The following HLF variants were observed in gnomAD, a reference collection of about 807,000 sequenced individuals.
HLF encodes the protein HLF transcription factor, PAR bZIP family member.
Under a neutral mutation model 22.6 loss-of-function variants are expected in HLF, and 3 were observed. The observed-to-expected ratio is 0.13, with a 90% CI of 0.06 to 0.34. The LOEUF (loss-of-function observed/expected upper bound fraction) is 0.34, where lower values mean the gene tolerates loss of function less well. Among genes scored for constraint, HLF ranks in the 10% least tolerant of loss-of-function variants. The pLI is 1.00. For synonymous variants in HLF, 151 were observed against 151.8 expected (o/e 0.99, Z 0.04); for missense variants, 299 against 389.2 (o/e 0.77, Z 1.95).
At chr17:55,296,599 C>T (rs1355437410) in intron 2 of HLF, among the ~76,000 whole-genome samples, 7 of 152,078 alleles carry the variant, frequency 4.6e-5, no homozygotes, top group Non-Finnish European at 8.8e-5. Context: ...TATAGATCTG[C>T]CGGCTGCATA....
At position 55,268,209 on chromosome 17, in the gene HLF, T is replaced by C. The variant is rs1048639653; in HGVS notation, c.451+123T>C. Reference sequence around the variant, plus strand: ...AGCAAAGATCCTAAGAGAGGTACCTTCTTCTGCTCCACTCCTGGCAGAGGC... The same window carrying C: ...AGCAAAGATCCTAAGAGAGGTACCTCCTTCTGCTCCACTCCTGGCAGAGGC... On this transcript the variant is annotated intron_variant, in intron 2 of 3. Coordinates refer to ENST00000226067, the MANE Select transcript of HLF (RefSeq NM_002126.5). 3.5e-5 allele frequency: 23 copies of C among 654,548 alleles called. No individual in the cohort carries two copies. The African/African-American group carries it at 3.8e-4, about 11-fold the overall frequency. 40.5% of individuals were successfully genotyped at this position (654,548 alleles called of 1,614,324 possible). A position where few individuals can be genotyped will look rare whatever the true frequency, so the allele number is the denominator to read the frequency against.
intron 2 of HLF, among the ~76,000 whole-genome samples, chr17:55,275,349 G>A (rs2145305283): frequency 6.6e-6 from 1 of 152,300 alleles, no homozygotes; most frequent in South Asian, 2.1e-4. Context: ...ACCGACCTTG[G>A]CCTCCCAAAG....
chr17:55,310,691 C>G (rs1262676095), intron 2 of HLF, among the ~76,000 whole-genome samples: 1 of 152,158 alleles, frequency 6.6e-6, no homozygotes, highest in Non-Finnish European at 1.5e-5. Context: ...GATGCCACCT[C>G]TGTCTATAGA....
At chr17:55,270,885 G>T (rs369961725) in intron 2 of HLF, among the ~76,000 whole-genome samples, 1 of 151,836 alleles carries the variant, frequency 6.6e-6, no homozygotes, top group Non-Finnish European at 1.5e-5. Context: ...CTCGTGATCC[G>T]CCCGCCTCGG....
rs746525611 is a variant in HLF, at chr17:55,315,418, C to A, written c.643C>A (p.Arg215Ser). The change falls in exon 3 of 4, where the codon CGC (arginine) becomes AGC (serine). Residue 215 changes from arginine to serine, a missense_variant. By Grantham distance (110) the Arg-to-Ser change is moderately radical (BLOSUM62 -1). Around this residue, in one of 3 missense-constraint regions of HLF, gnomAD observed 224 missense variants for 298.1 expected, o/e 0.75. Coordinates refer to ENST00000226067, the MANE Select transcript of HLF (RefSeq NM_002126.5). ...LKPQPMIKKA[R>S]KVFIPDDLKD... ...GCCACAGCCCATGATCAAGAAAGCT[C>A]GCAAAGTCTTCATCCCTGATGACCT... 1.9e-6 allele frequency: 3 copies of A among 1,613,956 alleles called. No individual in the cohort carries two copies. Among genetic ancestry groups the A allele is most frequent in the Non-Finnish European group, 2.5e-6 (3 of 1,179,974 alleles).
At chr17:55,274,615 C>G (rs2080889039) in intron 2 of HLF, among the ~76,000 whole-genome samples, 1 of 152,224 alleles carries the variant, frequency 6.6e-6, no homozygotes, top group Non-Finnish European at 1.5e-5. Context: ...ATAAACAAAA[C>G]AGCCTGAGTG....
intron 3 of HLF, 61 bp downstream of exon 3, chr17:55,315,508 A>G (rs1423807080): frequency 1.5e-5 from 19 of 1,241,310 alleles, no homozygotes; most frequent in Non-Finnish European, 2.1e-5. Flanking sequence ...CAGACAGATT[A>G]AAAGGGTGAC....
Position 55,324,817 on chromosome 17 carries a change from G to C in HLF, c.*3938G>C. The C allele has an allele frequency of 5.0e-6, 1 of 200,754 alleles. No homozygotes were observed. The highest frequency in any genetic ancestry group is 1.0e-5 in the Non-Finnish European group (1 of 97,804). 12.4% of individuals were successfully genotyped at this position (200,754 alleles called of 1,614,324 possible). Reference sequence around the variant, plus strand: ...TGTGTGTGTGTGTGTGTGCGTGCATGTGTGTGTGTGTGTATGTGTGTGAAT... The same window carrying C: ...TGTGTGTGTGTGTGTGTGCGTGCATCTGTGTGTGTGTGTATGTGTGTGAAT... On this transcript the variant is annotated 3_prime_UTR_variant, in exon 4 of 4. Coordinates refer to ENST00000226067, the MANE Select transcript of HLF (RefSeq NM_002126.5).
chr17:55,324,780 T>C lies in HLF; in HGVS notation c.*3901T>C, dbSNP rs1204775397. On this transcript the variant is annotated 3_prime_UTR_variant, in exon 4 of 4. Coordinates refer to ENST00000226067, the MANE Select transcript of HLF (RefSeq NM_002126.5). ...AAAGTCAATACATTTTGCAGGAGGC[T>C]AAGTGTAAGAGTGTGTGTGTGTGTG... is the stretch of plus-strand genomic sequence containing the variant. 8.7e-6 allele frequency: 2 copies of C among 230,272 alleles called. No homozygotes were observed. The highest frequency in any genetic ancestry group is 1.7e-5 in the Non-Finnish European group (2 of 117,272). The allele number at this position is 230,272 out of a possible 1,614,324, so 14.3% of individuals were successfully genotyped here.
intron 2 of HLF, among the ~76,000 whole-genome samples, chr17:55,270,570 T>C (rs1330874896): frequency 6.6e-6 from 1 of 152,104 alleles, no homozygotes; most frequent in African/African-American, 2.4e-5. Context: ...AGAGCACAGA[T>C]GTAGCCTTGG....
chr17:55,268,072 G>T lies in HLF; in HGVS notation c.437G>T (p.Ser146Ile). The T allele has an allele frequency of 6.4e-7, 1 of 1,565,416 alleles. No homozygotes were observed. Among genetic ancestry groups the T allele is most frequent in the East Asian group, 2.3e-5 (1 of 44,414 alleles). The change falls in exon 2 of 4, where the codon AGC (serine) becomes ATC (isoleucine). Residue 146 changes from serine to isoleucine, a missense_variant. Transcript: ENST00000226067. The stretch of plus-strand genomic sequence containing the variant: ...ATCCCATCTCCGAACTGTATGCAGA[G>T]CCCCATCAGACCAGGTAAGTGCCCT... The part of the protein sequence containing the change: ...PGIPSPNCMQ[S>I]PIRPGQLLPA...
chr17:55,266,278 A>G (rs1351062701), intron 1 of HLF: 1 of 152,210 alleles, frequency 6.6e-6, no homozygotes, highest in African/African-American at 2.4e-5. Context: ...CTCACGTGTA[A>G]CCGCGCAGGA....
intron 2 of HLF, among the ~76,000 whole-genome samples, chr17:55,284,249 T>TA (rs1445304396): frequency 1.3e-5 from 2 of 152,234 alleles, no homozygotes; most frequent in African/African-American, 4.8e-5. Flanking sequence ...GTTGAGCACT[T>TA]ACTGTGTGCT....
In HLF at chr17:55,321,533, A is replaced by G. The variant is rs73314567; in HGVS notation, c.*654A>G. 691 of 228,994 alleles carry G rather than the reference A, an allele frequency of 3.0e-3. 3 individuals are homozygous for G. Among genetic ancestry groups the G allele is most frequent in the African/African-American group, 0.014 (627 of 45,266 alleles). 14.2% of individuals were successfully genotyped at this position (228,994 alleles called of 1,614,324 possible). A position where few individuals can be genotyped will look rare whatever the true frequency, so the allele number is the denominator to read the frequency against. On this transcript the variant is annotated 3_prime_UTR_variant, in exon 4 of 4. Coordinates refer to ENST00000226067, the MANE Select transcript of HLF (RefSeq NM_002126.5). ...ATCTACTAAGTTTCCTTTTAATTCTACCAACCCCAGATAAGTAAGAGTACT... is the reference window on the plus strand; with the variant it reads ...ATCTACTAAGTTTCCTTTTAATTCTGCCAACCCCAGATAAGTAAGAGTACT...
intron 3 of HLF, among the ~76,000 whole-genome samples, chr17:55,316,291 T>C (rs1349503262): frequency 6.6e-6 from 1 of 152,236 alleles, no homozygotes; most frequent in Non-Finnish European, 1.5e-5. Flanking sequence ...GATTATTATG[T>C]AGTCAAGGCC....
At chr17:55,282,979 C>G (rs1598393727) in intron 2 of HLF, among the ~76,000 whole-genome samples, 1 of 152,112 alleles carries the variant, frequency 6.6e-6, no homozygotes, top group East Asian at 1.9e-4. Context: ...GTCTTCATGC[C>G]GAATGGAAAC....
chr17:55,306,537 AGTGTGTGTGTGTGT>A (rs60472672), intron 2 of HLF, among the ~76,000 whole-genome samples: 27 of 143,698 alleles, frequency 1.9e-4, no homozygotes, highest in East Asian at 8.6e-4. Flanking sequence ...GCAAAAAGGA[AGTGTGTGTGTGTGT>A]GTGTGTGTGT....
intron 2 of HLF, among the ~76,000 whole-genome samples, chr17:55,309,129 C>T (rs984704792): frequency 6.6e-6 from 1 of 152,162 alleles, no homozygotes; most frequent in African/African-American, 2.4e-5. Context: ...GTGCAGGTCC[C>T]ATGGAATAGG....
chr17:55,290,719 C>A (rs966904511), intron 2 of HLF, among the ~76,000 whole-genome samples: 3 of 152,132 alleles, frequency 2.0e-5, no homozygotes, highest in Non-Finnish European at 4.4e-5. Flanking sequence ...AGGTCTCTCA[C>A]TTTAAGTCAA....
Sources: allele counts gnomAD v4.1 joint callset (sites outside exome capture counted in the v4.1 genomes callset), GRCh38; gene constraint gnomAD v4.1.1; regional missense constraint gnomAD v4.1.1; transcripts MANE v1.5; gene names NCBI Gene and HGNC (gene_info 2026-07-23, HGNC 2026-07-21).